IL1RAPL1: variants seen among roughly 807,000 people sequenced by gnomAD.
IL1RAPL1 encodes the protein interleukin-1 receptor accessory protein-like 1.
A neutral mutation model predicts 48.4 loss-of-function variants in IL1RAPL1; 3 were observed. That is an observed-to-expected ratio of 0.06 (90% CI 0.03 to 0.16). IL1RAPL1 has a LOEUF of 0.16. IL1RAPL1 is among the 10% of genes least tolerant of loss of function. The pLI is 1.00. For synonymous variants in IL1RAPL1, 185 were observed against 187.7 expected (o/e 0.99, Z 0.12); for missense variants, 349 against 530.6 (o/e 0.66, Z 3.36).
chrX:29,124,738 A>C (rs1275235818), intron 2 of IL1RAPL1, among the ~76,000 whole-genome samples: 1 of 112,426 alleles, frequency 8.9e-6, no homozygotes, highest in Non-Finnish European at 1.9e-5. Context: ...TCCATAAAAA[A>C]GTATAGAGCA....
chrX:28,682,181 C>T (rs1935067668), intron 1 of IL1RAPL1, among the ~76,000 whole-genome samples: 1 of 111,747 alleles, frequency 8.9e-6, no homozygotes, highest in African/African-American at 3.3e-5. Context: ...TTTGTTTATT[C>T]ATTCATCTGT....
At position 28,710,945 on chromosome X, in the gene IL1RAPL1, T is replaced by C. The variant is rs915428543; in HGVS notation, c.-24-78375T>C. On this transcript the variant is annotated intron_variant, in intron 1 of 10. Transcript: ENST00000378993. ...ATAGAGTTGTGTAGGTCACTTGTTA[T>C]GATTTGGCTTCCACGTGGAGTGAAA... Among the ~76,000 whole-genome samples the C allele has an allele frequency of 2.7e-5, 3 of 111,916 alleles. No individual in the cohort carries two copies. In the East Asian group the frequency reaches 8.5e-4, roughly 32 times the overall value.
intron 9 of IL1RAPL1, among the ~76,000 whole-genome samples, chrX:29,943,536 A>AT (rs1170859494): frequency 2.7e-5 from 3 of 111,917 alleles, no homozygotes; most frequent in South Asian, 3.7e-4. Context: ...TATTATTTGT[A>AT]TTTTTTTTAA....
At chrX:29,803,543 G>A (rs750423516) in intron 6 of IL1RAPL1, among the ~76,000 whole-genome samples, 2 of 97,570 alleles carry the variant, frequency 2.0e-5, no homozygotes, top group East Asian at 6.5e-4. Flanking sequence ...ATACATATAT[G>A]TATATGTGTG....
chrX:29,864,165 T>C (rs752168917), intron 6 of IL1RAPL1, among the ~76,000 whole-genome samples: 3 of 112,580 alleles, frequency 2.7e-5, no homozygotes, highest in Non-Finnish European at 5.6e-5. Context: ...CTTGGTGACA[T>C]TGGTTGAGAG....
chrX:29,384,869 A>T (rs943074959), intron 3 of IL1RAPL1, among the ~76,000 whole-genome samples: 4 of 112,376 alleles, frequency 3.6e-5, no homozygotes, highest in African/African-American at 1.3e-4. Flanking sequence ...GAGACACAAC[A>T]TAGAAATGGA....
chrX:29,461,134 T>A (rs1934797704), intron 5 of IL1RAPL1, among the ~76,000 whole-genome samples: 1 of 111,533 alleles, frequency 9.0e-6, no homozygotes. Flanking sequence ...GAATAGACAC[T>A]TCTCGCAAGA....
intron 6 of IL1RAPL1, among the ~76,000 whole-genome samples, chrX:29,691,394 G>A (rs746220110): frequency 9.0e-6 from 1 of 111,654 alleles, no homozygotes; most frequent in Non-Finnish European, 1.9e-5. Flanking sequence ...GAGTTATCAG[G>A]TATTTATTTG....
intron 2 of IL1RAPL1, among the ~76,000 whole-genome samples, chrX:29,052,970 C>T (rs1927130810): frequency 1.8e-5 from 2 of 111,573 alleles, no homozygotes; most frequent in Admixed American, 9.5e-5. Context: ...ATTGTTTTGT[C>T]ACCCAGGTAT....
chrX:29,606,963 G>A (rs1602322366), intron 5 of IL1RAPL1, among the ~76,000 whole-genome samples: 1 of 111,629 alleles, frequency 9.0e-6, no homozygotes, highest in East Asian at 2.8e-4. Context: ...CATTTTTAAT[G>A]AATGAAATAT....
At chrX:29,630,608 G>A (rs1270223774) in intron 5 of IL1RAPL1, among the ~76,000 whole-genome samples, 1 of 107,465 alleles carries the variant, frequency 9.3e-6, no homozygotes, top group Non-Finnish European at 1.9e-5. Flanking sequence ...GTGCAATCTC[G>A]GCTCACTGCA....
At chrX:28,941,583 A>G (rs1291044148) in intron 2 of IL1RAPL1, among the ~76,000 whole-genome samples, 1 of 111,323 alleles carries the variant, frequency 9.0e-6, no homozygotes, top group Non-Finnish European at 1.9e-5. Context: ...TGAGTCAAAC[A>G]CTTAAAGATG....
intron 2 of IL1RAPL1, among the ~76,000 whole-genome samples, chrX:29,129,618 G>A (rs776273111): frequency 0.024 from 1,219 of 50,764 alleles, 15 homozygotes; most frequent in Non-Finnish European, 0.037. Flanking sequence ...TTTTTGAGAC[G>A]GAGTCTCGCT....
At chrX:28,751,001 C>T (rs779098308) in intron 1 of IL1RAPL1, among the ~76,000 whole-genome samples, 10 of 112,014 alleles carry the variant, frequency 8.9e-5, no homozygotes, top group Non-Finnish European at 1.7e-4. Flanking sequence ...GATTTCTCAA[C>T]GCTGGCTGTA....
chrX:29,382,789 G>A (rs1933729007), intron 3 of IL1RAPL1, among the ~76,000 whole-genome samples: 1 of 111,684 alleles, frequency 9.0e-6, no homozygotes, highest in Non-Finnish European at 1.9e-5. Flanking sequence ...AATACTATGA[G>A]ACAAGATTAA....
At chrX:29,350,113 A>G (rs982752308) in intron 3 of IL1RAPL1, among the ~76,000 whole-genome samples, 6 of 99,833 alleles carry the variant, frequency 6.0e-5, no homozygotes, top group African/African-American at 2.3e-4. Context: ...GACAGTTTCC[A>G]GTCATATCAC....
At chrX:29,876,837 G>A (rs1257627523) in intron 6 of IL1RAPL1, among the ~76,000 whole-genome samples, 2 of 111,727 alleles carry the variant, frequency 1.8e-5, no homozygotes, top group African/African-American at 6.5e-5. Context: ...AATAAATATA[G>A]TTTGATTGCT....
At chrX:29,320,370 G>A (rs371969537) in intron 3 of IL1RAPL1, among the ~76,000 whole-genome samples, 2 of 112,064 alleles carry the variant, frequency 1.8e-5, no homozygotes, top group Non-Finnish European at 3.8e-5. Flanking sequence ...GGAAAAAGAC[G>A]TTTCTAAGAA....
At chrX:28,986,063 T>G (rs376628091) in intron 2 of IL1RAPL1, among the ~76,000 whole-genome samples, 11 of 112,059 alleles carry the variant, frequency 9.8e-5, no homozygotes, top group Admixed American at 8.5e-4. Context: ...ATGGAGATTA[T>G]TATGCATATT....
Sources: allele counts gnomAD v4.1 joint callset (sites outside exome capture counted in the v4.1 genomes callset), GRCh38; gene constraint gnomAD v4.1.1; transcripts MANE v1.5; gene names NCBI Gene and HGNC (gene_info 2026-07-23, HGNC 2026-07-21).